CRLF2: variants seen among roughly 807,000 people sequenced by gnomAD.
The protein encoded by CRLF2 is cytokine receptor-like factor 2.
Under a neutral mutation model 38.7 loss-of-function variants are expected in CRLF2, and 41 were observed. The ratio of observed to expected loss-of-function variants is 1.06; its 90% CI spans 0.83 to 1.37. CRLF2 has a LOEUF of 1.37. Among genes scored for constraint, CRLF2 ranks in the 40% most tolerant of loss-of-function variants. The probability of loss-of-function intolerance (pLI) is 0.00; values close to 1 mark genes in which losing one functional copy is unlikely to be tolerated. For synonymous variants in CRLF2, 140 were observed against 128.8 expected, an observed-to-expected ratio of 1.09 and a Z score of -0.59; for missense variants, 377 against 322.2, an observed-to-expected ratio of 1.17 and a Z score of -1.30.
Position 1,203,118 on chromosome X carries a change from A to AG in CRLF2, c.350-584_350-583insC, listed in dbSNP as rs2086637834. 1.9e-3 allele frequency among the ~76,000 whole-genome samples: 283 copies of AG among 148,178 alleles called. 2 individuals are homozygous for AG. The highest frequency in any genetic ancestry group is 5.6e-3 in the African/African-American group (228 of 40,684). The stretch of plus-strand genomic sequence containing the variant: ...CTCAAAAAAAAAAAAAAAAAAAAAA[A>AG]AAAGGATCATTATAGATTCAGTTAG... On this transcript the variant is annotated intron_variant, in intron 3 of 7. Coordinates refer to ENST00000400841, the MANE Select transcript of CRLF2 (RefSeq NM_022148.4).
chrX:1,207,560 C>A (rs1219428369), intron 2 of CRLF2, among the ~76,000 whole-genome samples: 3 of 146,900 alleles, frequency 2.0e-5, no homozygotes, highest in African/African-American at 5.1e-5. Flanking sequence ...CAACACCCCC[C>A]CCAAGAACTG....
At chrX:1,192,215 A>AAAC (rs1304881706) in intron 7 of CRLF2, among the ~76,000 whole-genome samples, 26 of 138,236 alleles carry the variant, frequency 1.9e-4, no homozygotes, top group Admixed American at 7.7e-4. Context: ...AAAAAAAAAA[A>AAAC]AAAAACAAAA....
intron 7 of CRLF2, among the ~76,000 whole-genome samples, chrX:1,192,221 CA>C (rs1340411091): frequency 8.1e-6 from 1 of 123,524 alleles, no homozygotes; most frequent in African/African-American, 3.1e-5. Flanking sequence ...AAAAAAAAAA[CA>C]AAAAAAACCT....
At chrX:1,208,736 A>G (rs1160053778) in intron 2 of CRLF2, 70 bp downstream of exon 2, 6 of 914,188 alleles carry the variant, frequency 6.6e-6, no homozygotes, top group South Asian at 6.5e-5. Context: ...AGCATTCCCA[A>G]TCGCTGACGG....
intron 7 of CRLF2, 127 bp downstream of exon 7, chrX:1,193,091 G>C (rs1326033277): frequency 2.5e-6 from 1 of 392,254 alleles, no homozygotes; most frequent in African/African-American, 2.1e-5. Flanking sequence ...GGGATGACAG[G>C]CGTGAGCCAC....
rs2086362083 is a variant in CRLF2, at chrX:1,190,885, G to C, written c.*12C>G. 1 of 398,564 alleles carries C rather than the reference G, an allele frequency of 2.5e-6. No homozygotes were observed. The highest frequency in any genetic ancestry group is 2.1e-5 in the African/African-American group (1 of 48,652). The allele number at this position is 398,564 out of a possible 1,614,324, so 24.7% of individuals were successfully genotyped here. On this transcript the variant is annotated 3_prime_UTR_variant, in exon 8 of 8. Coordinates refer to ENST00000400841, the MANE Select transcript of CRLF2 (RefSeq NM_022148.4). ...GTGGATCCTGACGTTGACTTTGACA[G>C]TGGTGTGTCCATCACAACGCCACGT... is the stretch of plus-strand genomic sequence containing the variant.
intron 4 of CRLF2, 74 bp from the exon 5 acceptor site, chrX:1,198,798 A>G: frequency 1.5e-6 from 2 of 1,349,550 alleles, no homozygotes; most frequent in Non-Finnish European, 2.1e-6. Flanking sequence ...TTAGTGATGT[A>G]ACCTGTCTGT....
At chrX:1,204,637 C>T in intron 3 of CRLF2, among the ~76,000 whole-genome samples, 1 of 151,404 alleles carries the variant, frequency 6.6e-6, no homozygotes, top group Non-Finnish European at 1.5e-5. Context: ...TTCCCTGCCT[C>T]AGCCTCCCGA....
rs2086590251 is a variant in CRLF2, at chrX:1,200,742, GATAAGGTA to G, written c.483+1652_483+1659del. On this transcript the variant is annotated intron_variant, in intron 4 of 7. Coordinates refer to ENST00000400841, the MANE Select transcript of CRLF2 (RefSeq NM_022148.4). ...ATATACGTGTGTATAAATATGCATAGATAAGGTATGTATATATGTGTGTATATAAGCTG... is the reference window on the plus strand; with the variant it reads ...ATATACGTGTGTATAAATATGCATAGTGTATATATGTGTGTATATAAGCTG... Among the ~76,000 whole-genome samples the G allele has an allele frequency of 1.2e-3, 155 of 124,678 alleles. 13 individuals are homozygous for G. The highest frequency in any genetic ancestry group is 4.4e-3 in the Middle Eastern group (1 of 228). 81.8% of individuals were successfully genotyped at this position (124,678 alleles called of 152,430 possible). A position where few individuals can be genotyped will look rare whatever the true frequency, so the allele number is the denominator to read the frequency against.
intron 1 of CRLF2, among the ~76,000 whole-genome samples, chrX:1,210,256 A>G (rs1428330978): frequency 1.3e-5 from 2 of 152,146 alleles, no homozygotes; most frequent in African/African-American, 4.8e-5. Context: ...AACAGGGACA[A>G]TGGAAATATT....
intron 5 of CRLF2, among the ~76,000 whole-genome samples, chrX:1,197,959 G>T (rs1166126222): frequency 6.6e-6 from 1 of 152,078 alleles, no homozygotes; most frequent in Non-Finnish European, 1.5e-5. Context: ...CCGAGATCGC[G>T]CCACTGCACT....
At chrX:1,203,672 G>A (rs1316885080) in intron 3 of CRLF2, among the ~76,000 whole-genome samples, 10 of 152,252 alleles carry the variant, frequency 6.6e-5, no homozygotes, top group Non-Finnish European at 4.4e-5. Context: ...CCCAGGAGCT[G>A]GGAGAGGCAG....
rs774966838 is a variant in CRLF2 at position 1,211,657 on chromosome X, G to A, written c.79+899C>T. ...GGTGGATGGATGGATGGATGGATAA[G>A]TGGATAAAAGTGTGGGTGAATGCAT... On this transcript the variant is annotated intron_variant, in intron 1 of 7. Coordinates refer to ENST00000400841, the MANE Select transcript of CRLF2 (RefSeq NM_022148.4). 3.6e-4 allele frequency among the ~76,000 whole-genome samples: 39 copies of A among 109,378 alleles called. 1 individual carries two copies. Among genetic ancestry groups the A allele is most frequent in the Non-Finnish European group, 5.2e-4 (29 of 55,556 alleles). 71.8% of individuals were successfully genotyped at this position (109,378 alleles called of 152,430 possible). A position where few individuals can be genotyped will look rare whatever the true frequency, so the allele number is the denominator to read the frequency against.
chrX:1,211,196 G>T (rs868519702), intron 1 of CRLF2, among the ~76,000 whole-genome samples: 4 of 140,134 alleles, frequency 2.9e-5, no homozygotes, highest in Admixed American at 1.4e-4. Flanking sequence ...TGGATGGATG[G>T]ATGCATGGAT....
rs753197376 is a variant in CRLF2 at position 1,204,696 on chromosome X, A to T, written c.349+1737T>A. Among the ~76,000 whole-genome samples, 31 of 137,422 alleles carry T rather than the reference A, an allele frequency of 2.3e-4. No individual in the cohort carries two copies. In the South Asian group the frequency reaches 3.7e-3, roughly 16 times the overall value. 90.2% of individuals were successfully genotyped at this position (137,422 alleles called of 152,430 possible). The stretch of plus-strand genomic sequence containing the variant: ...CCACCACGCCTGGCTAATTTTTTTT[A>T]AATTATTTTTAATAGAGACGGGGTT... On this transcript the variant is annotated intron_variant, in intron 3 of 7. Coordinates refer to ENST00000400841, the MANE Select transcript of CRLF2 (RefSeq NM_022148.4).
At position 1,208,923 on chromosome X, in the gene CRLF2, ACG is replaced by A; in HGVS notation, c.80-17_80-16del. The A allele has an allele frequency of 7.1e-7, 1 of 1,416,640 alleles. No individual in the cohort carries two copies. Among genetic ancestry groups the A allele is most frequent in the Non-Finnish European group, 9.9e-7 (1 of 1,006,718 alleles). 87.8% of individuals were successfully genotyped at this position (1,416,640 alleles called of 1,614,324 possible). ...TACTCCTTCTGCTAGACACAGAGAG[ACG>A]CATGAAGTTCACGGTGAGGCAACTC... On this transcript the variant is annotated splice_polypyrimidine_tract_variant and intron_variant, in intron 1 of 7. Coordinates refer to ENST00000400841, the MANE Select transcript of CRLF2 (RefSeq NM_022148.4).
rs2086549289 is a variant in CRLF2 at position 1,198,800 on chromosome X, C to T, written c.484-76G>A. On this transcript the variant is annotated intron_variant, in intron 4 of 7. Coordinates refer to ENST00000400841, the MANE Select transcript of CRLF2 (RefSeq NM_022148.4). ...ACACACACAATGATTAGTGATGTAA[C>T]CTGTCTGTCCAGAGTTTTCCTTCCG... 8 of 1,343,758 alleles carry T rather than the reference C, an allele frequency of 6.0e-6. No homozygotes were observed. The Admixed American group carries it at 6.0e-5, about 10-fold the overall frequency. 83.2% of individuals were successfully genotyped at this position (1,343,758 alleles called of 1,614,324 possible). A position where few individuals can be genotyped will look rare whatever the true frequency, so the allele number is the denominator to read the frequency against.
intron 4 of CRLF2, among the ~76,000 whole-genome samples, chrX:1,200,348 G>A (rs2086580812): frequency 6.7e-6 from 1 of 150,104 alleles, no homozygotes; most frequent in South Asian, 2.1e-4. Context: ...TATAAGATGT[G>A]TATGTACATG....
rs2086362651 is a variant in CRLF2, at chrX:1,190,921, A to G, written c.1092T>C (p.Asn364=). The part of the protein sequence containing the change: ...VTIGGFTFVM[N]DRSYVAL ...ATCACAACGCCACGTAGGAGCGGTCATTCATCACAAAGGTGAAGCCCCCGA... is the reference window on the plus strand; with the variant it reads ...ATCACAACGCCACGTAGGAGCGGTCGTTCATCACAAAGGTGAAGCCCCCGA... The change falls in exon 8 of 8, where the codon AAT becomes AAC. Residue 364 remains asparagine, a synonymous_variant. Coordinates refer to ENST00000400841, the MANE Select transcript of CRLF2 (RefSeq NM_022148.4). The G allele has an allele frequency of 1.5e-5, 6 of 398,574 alleles. No homozygotes were observed. Among genetic ancestry groups the G allele is most frequent in the Non-Finnish European group, 2.2e-5 (5 of 226,100 alleles). The allele number at this position is 398,574 out of a possible 1,614,324, so 24.7% of individuals were successfully genotyped here.
Sources: gnomAD v4.1 joint callset for allele counts (sites outside exome capture counted in the v4.1 genomes callset) on GRCh38, gnomAD v4.1.1 for gene constraint, MANE v1.5 for transcripts, NCBI Gene and HGNC (gene_info 2026-07-23, HGNC 2026-07-21) for gene names.